Variants in EXOC6B observed in about 807,000 individuals in gnomAD.
EXOC6B encodes exocyst complex component 6B.
EXOC6B carries 54 observed loss-of-function variants against 113.5 expected under a neutral mutation model. The ratio of observed to expected loss-of-function variants is 0.48; its 90% CI spans 0.38 to 0.60. EXOC6B has a LOEUF of 0.60. Among genes scored for constraint, EXOC6B ranks in the 20% least tolerant of loss-of-function variants. The probability of loss-of-function intolerance (pLI) is 0.00; values close to 1 mark genes in which losing one functional copy is unlikely to be tolerated. For synonymous variants in EXOC6B, 357 were observed against 339.0 expected (o/e 1.05, Z -0.58); for missense variants, 797 against 977.5 (o/e 0.82, Z 2.46).
chr2:72,783,411 G>A (rs28793596), intron 1 of EXOC6B, among the ~76,000 whole-genome samples: 1,741 of 129,574 alleles, frequency 0.013, 29 homozygotes, highest in African/African-American at 0.048. Flanking sequence ...TGCAACCTCC[G>A]CCTCCCGAGT....
chr2:72,269,128 C>T (rs1225492123), intron 20 of EXOC6B, among the ~76,000 whole-genome samples: 1 of 152,080 alleles, frequency 6.6e-6, no homozygotes, highest in African/African-American at 2.4e-5. Flanking sequence ...TATTTCTTCT[C>T]CTTTAACTAT....
At chr2:72,603,363 C>T (rs1309937002) in intron 6 of EXOC6B, among the ~76,000 whole-genome samples, 1 of 151,982 alleles carries the variant, frequency 6.6e-6, no homozygotes, top group African/African-American at 2.4e-5. Context: ...CCTTCCCCTC[C>T]CCTGGCCCCC....
At chr2:72,525,919 T>C (rs952389160) in intron 8 of EXOC6B, among the ~76,000 whole-genome samples, 1 of 152,096 alleles carries the variant, frequency 6.6e-6, no homozygotes, top group South Asian at 2.1e-4. Context: ...AGGAGAGTCA[T>C]TGCTTTTATT....
At chr2:72,566,553 T>A (rs1704189706) in intron 7 of EXOC6B, among the ~76,000 whole-genome samples, 1 of 151,728 alleles carries the variant, frequency 6.6e-6, no homozygotes, top group Admixed American at 6.6e-5. Flanking sequence ...TGCTAGGTCA[T>A]ATATATGACC....
intron 6 of EXOC6B, among the ~76,000 whole-genome samples, chr2:72,641,205 G>A (rs548156463): frequency 5.3e-5 from 8 of 152,320 alleles, no homozygotes; most frequent in African/African-American, 1.9e-4. Flanking sequence ...CATCTAATTG[G>A]GACTGGTTGG....
chr2:72,600,114 A>C (rs923020869), intron 6 of EXOC6B, among the ~76,000 whole-genome samples: 3 of 152,150 alleles, frequency 2.0e-5, no homozygotes, highest in African/African-American at 7.2e-5. Context: ...GAAGAAGATC[A>C]GAGGACAGTG....
intron 6 of EXOC6B, among the ~76,000 whole-genome samples, chr2:72,674,791 T>G (rs1676171097): frequency 6.6e-6 from 1 of 151,170 alleles, no homozygotes; most frequent in Non-Finnish European, 1.5e-5. Flanking sequence ...AGTGTGAGAC[T>G]CCATCTCAAA....
intron 17 of EXOC6B, among the ~76,000 whole-genome samples, chr2:72,473,443 T>C (rs565580144): frequency 6.6e-6 from 1 of 152,224 alleles, no homozygotes; most frequent in African/African-American, 2.4e-5. Flanking sequence ...CTTATTTGTC[T>C]TTTTCTTACT....
intron 2 of EXOC6B, among the ~76,000 whole-genome samples, chr2:72,740,770 G>A (rs114030117): frequency 0.016 from 2,471 of 152,202 alleles, 84 homozygotes; most frequent in African/African-American, 0.057. Flanking sequence ...CACTGGTTCT[G>A]GTCCACATGT....
At chr2:72,686,606 T>C (rs1677104632) in intron 6 of EXOC6B, among the ~76,000 whole-genome samples, 1 of 152,220 alleles carries the variant, frequency 6.6e-6, no homozygotes, top group South Asian at 2.1e-4. Flanking sequence ...ATAAGCAAGA[T>C]ACTGAATTCT....
At chr2:72,757,884 G>T (rs771828983) in intron 1 of EXOC6B, among the ~76,000 whole-genome samples, 1 of 152,094 alleles carries the variant, frequency 6.6e-6, no homozygotes, top group Non-Finnish European at 1.5e-5. Context: ...ATATGGGCCA[G>T]GCACAGTGGC....
At chr2:72,191,292 T>C (rs2104280017) in intron 20 of EXOC6B, among the ~76,000 whole-genome samples, 1 of 152,362 alleles carries the variant, frequency 6.6e-6, no homozygotes, top group East Asian at 1.9e-4. Flanking sequence ...TAAAGCTGCC[T>C]CTGCTATATT....
At chr2:72,422,317 T>C (rs1694934006) in intron 18 of EXOC6B, among the ~76,000 whole-genome samples, 1 of 152,232 alleles carries the variant, frequency 6.6e-6, no homozygotes, top group Non-Finnish European at 1.5e-5. Flanking sequence ...TTGGAGAGTC[T>C]TTATTATCTA....
At chr2:72,744,516 A>G (rs1179871767) in intron 1 of EXOC6B, among the ~76,000 whole-genome samples, 2 of 152,220 alleles carry the variant, frequency 1.3e-5, no homozygotes, top group Non-Finnish European at 2.9e-5. Flanking sequence ...CCCCTTTCAA[A>G]GGAAAGGAAA....
intron 18 of EXOC6B, chr2:72,464,036 A>C (rs1697878624): frequency 6.6e-6 from 1 of 152,168 alleles, no homozygotes; most frequent in African/African-American, 2.4e-5. Context: ...GCGAGGCTCT[A>C]CCATCATAAT....
chr2:72,514,165 T>C (rs969931683), intron 10 of EXOC6B, among the ~76,000 whole-genome samples: 1 of 152,144 alleles, frequency 6.6e-6, no homozygotes, highest in Admixed American at 6.6e-5. Flanking sequence ...AACATAGCCA[T>C]GCTCATCATT....
chr2:72,448,967 C>T (rs879316778), intron 18 of EXOC6B, among the ~76,000 whole-genome samples: 13 of 152,090 alleles, frequency 8.5e-5, no homozygotes, highest in Admixed American at 8.5e-4. Flanking sequence ...TAAAAAGAGT[C>T]GTATGAAATT....
intron 7 of EXOC6B, among the ~76,000 whole-genome samples, chr2:72,574,378 G>C (rs963424681): frequency 6.6e-6 from 1 of 152,148 alleles, no homozygotes; most frequent in African/African-American, 2.4e-5. Context: ...ACCCTTTAAG[G>C]AGCAGGGATT....
chr2:72,618,076 G>A (rs1671513194), intron 6 of EXOC6B, among the ~76,000 whole-genome samples: 1 of 152,042 alleles, frequency 6.6e-6, no homozygotes, highest in Non-Finnish European at 1.5e-5. Flanking sequence ...GAAAGATTAA[G>A]AAATCCCTTC....
Sources: gnomAD v4.1 joint callset for allele counts (sites outside exome capture counted in the v4.1 genomes callset) on GRCh38, gnomAD v4.1.1 for gene constraint, MANE v1.5 for transcripts, NCBI Gene and HGNC (gene_info 2026-07-23, HGNC 2026-07-21) for gene names.